The following YY1AP1 variants were observed in gnomAD, a reference collection of about 807,000 sequenced individuals.
YY1AP1 encodes the protein YY1 associated protein 1.
YY1AP1 carries 43 observed loss-of-function variants against 39.9 expected under a neutral mutation model. The observed-to-expected ratio is 1.08, with a 90% CI of 0.84 to 1.39. The LOEUF is 1.39. Ranked by LOEUF, YY1AP1 falls within the 40% of genes most tolerant of loss-of-function variation. The pLI, the probability that YY1AP1 is intolerant of heterozygous loss-of-function variation, is 0.00. For missense variants in YY1AP1, 813 were observed against 900.7 expected (o/e 0.90, Z 1.25); for synonymous variants, 292 against 331.3 (o/e 0.88, Z 1.29).
In YY1AP1 at chr1:155,669,947, C is replaced by A. The variant is rs563311404; in HGVS notation, c.728+373G>T. On this transcript the variant is annotated intron_variant, in intron 8 of 10. Coordinates refer to ENST00000355499, the MANE Select transcript of YY1AP1 (RefSeq NM_139119.3). ...GGCTGAGGCAGGAGGATCACTTGAT[C>A]CCAGGAGTTCAAGGCTGCAGTGAGC... 3.9e-5 allele frequency among the ~76,000 whole-genome samples: 6 copies of A among 152,248 alleles called. No homozygotes were observed. The South Asian group carries it at 1.0e-3, about 26-fold the overall frequency.
Position 155,660,506 on chromosome 1 carries a change from T to C in YY1AP1, c.1404A>G (p.Pro468=). 1 of 1,614,022 alleles carries C rather than the reference T, an allele frequency of 6.2e-7. No homozygotes were observed. Among genetic ancestry groups the C allele is most frequent in the Non-Finnish European group, 8.5e-7 (1 of 1,179,996 alleles). The stretch of plus-strand genomic sequence containing the variant: ...AACTCTCACCTCCACTGACCCCCAG[T>C]GGAGGGACACCTGGAACTGTCTGTA... ...TVLQTVPGVP[P]LGVSGGESFE... Residue 468 remains proline, a synonymous_variant, in exon 11 of 11, where the codon CCA becomes CCG. Transcript: ENST00000355499.
intron 10 of YY1AP1, 31 bp from the exon 11 acceptor site, chr1:155,660,944 A>ACATGT: frequency 6.2e-7 from 1 of 1,613,772 alleles, no homozygotes; most frequent in East Asian, 2.2e-5. Flanking sequence ...CTGATCCAGC[A>ACATGT]CATGTCAGAA....
At chr1:155,669,865 C>T (rs1199958585) in intron 8 of YY1AP1, among the ~76,000 whole-genome samples, 2 of 151,712 alleles carry the variant, frequency 1.3e-5, no homozygotes, top group African/African-American at 2.4e-5. Flanking sequence ...CTCACCTGTA[C>T]AAAAAAAATC....
chr1:155,688,340 C>G, intron 1 of YY1AP1, 139 bp from the exon 2 acceptor site: 2 of 1,549,874 alleles, frequency 1.3e-6, no homozygotes. Context: ...GCGGCGGCAG[C>G]AGAGTGGCCG....
chr1:155,676,912 C>G (rs1044578213), intron 4 of YY1AP1, among the ~76,000 whole-genome samples, 166 bp from the exon 5 acceptor site: 1 of 152,176 alleles, frequency 6.6e-6, no homozygotes, highest in South Asian at 2.1e-4. Context: ...AATCTTTTCC[C>G]AAAGTAGTTA....
chr1:155,672,781 T>C (rs1229746962), intron 6 of YY1AP1, 50 bp from the exon 7 acceptor site: 1 of 1,613,530 alleles, frequency 6.2e-7, no homozygotes, highest in African/African-American at 1.3e-5. Context: ...AGACAATTAA[T>C]ACCAATAGCC....
chr1:155,668,783 A>C lies in YY1AP1; in HGVS notation c.729-6T>G. The C allele has an allele frequency of 2.5e-6, 4 of 1,614,148 alleles. No individual in the cohort carries two copies. Among genetic ancestry groups the C allele is most frequent in the Non-Finnish European group, 3.4e-6 (4 of 1,180,014 alleles). On this transcript the variant is annotated splice_region_variant and splice_polypyrimidine_tract_variant and intron_variant, in intron 8 of 10. Coordinates refer to ENST00000355499, the MANE Select transcript of YY1AP1 (RefSeq NM_139119.3). ...TCAGTCCTAAAGCTAACAAACTGAGAAAGGAGCAATAACACTAAATCTCAC... is the reference window on the plus strand; with the variant it reads ...TCAGTCCTAAAGCTAACAAACTGAGCAAGGAGCAATAACACTAAATCTCAC...
intron 2 of YY1AP1, among the ~76,000 whole-genome samples, chr1:155,684,757 T>C (rs1262795205): frequency 6.6e-6 from 1 of 152,136 alleles, no homozygotes; most frequent in Non-Finnish European, 1.5e-5. Flanking sequence ...AGCTAATTTT[T>C]TGTATTTTAG....
chr1:155,683,948 T>C (rs1385521477), intron 2 of YY1AP1, among the ~76,000 whole-genome samples: 6 of 151,996 alleles, frequency 3.9e-5, no homozygotes, highest in Non-Finnish European at 7.4e-5. Context: ...ACCAGATTGA[T>C]CTACATAGCA....
chr1:155,661,319 T>C lies in YY1AP1; in HGVS notation c.984A>G (p.Pro328=). 1 of 1,613,914 alleles carries C rather than the reference T, an allele frequency of 6.2e-7. No individual in the cohort carries two copies. The highest frequency in any genetic ancestry group is 8.5e-7 in the Non-Finnish European group (1 of 1,179,844). Residue 328 remains proline (P), a synonymous_variant, in exon 10 of 11, where the codon CCA becomes CCG. Transcript: ENST00000355499. ...PPIEREEHRL[P]FWLKASLPSI... Reference sequence around the variant, plus strand: ...AAGAGGGCTGTACCTTTAACCAGAATGGGAGCCGGTGTTCTTCTCTCTCTA... The same window carrying C: ...AAGAGGGCTGTACCTTTAACCAGAACGGGAGCCGGTGTTCTTCTCTCTCTA...
intron 2 of YY1AP1, among the ~76,000 whole-genome samples, chr1:155,684,620 G>C (rs1216622969): frequency 6.7e-6 from 1 of 148,270 alleles, no homozygotes; most frequent in Non-Finnish European, 1.5e-5. Context: ...GCCGAGGCTA[G>C]AGTGCAGTGG....
intron 6 of YY1AP1, chr1:155,674,692 G>A: frequency 4.6e-6 from 1 of 215,582 alleles, no homozygotes; most frequent in Admixed American, 5.4e-5. Flanking sequence ...TACCCGTGGT[G>A]GTGCCCGCCT....
At chr1:155,673,640 C>T (rs1231109013) in intron 6 of YY1AP1, among the ~76,000 whole-genome samples, 3 of 152,100 alleles carry the variant, frequency 2.0e-5, no homozygotes, top group African/African-American at 2.4e-5. Context: ...ACGTCCCAGG[C>T]TCAAGTGATC....
chr1:155,682,585 T>A (rs1651679574), intron 2 of YY1AP1, among the ~76,000 whole-genome samples: 1 of 151,778 alleles, frequency 6.6e-6, no homozygotes, highest in Non-Finnish European at 1.5e-5. Flanking sequence ...GGTCTCCAAC[T>A]CCTGACCTCA....
chr1:155,688,124 G>C lies in YY1AP1; in HGVS notation c.-74C>G. The C allele has an allele frequency of 6.2e-7, 1 of 1,611,658 alleles. No individual in the cohort carries two copies. Among genetic ancestry groups the C allele is most frequent in the South Asian group, 1.1e-5 (1 of 90,880 alleles). ...ACAGGGAAGTGAGGAAGAGGGGGTG[G>C]CCGCCAGGCTCCTCCGCTTCCCTGG... On this transcript the variant is annotated 5_prime_UTR_variant, in exon 2 of 11. Coordinates refer to ENST00000355499, the MANE Select transcript of YY1AP1 (RefSeq NM_139119.3).
chr1:155,676,700 C>T lies in YY1AP1; in HGVS notation c.172G>A (p.Ala58Thr). The change falls in exon 5 of 11, where the codon GCG (alanine) becomes ACG (threonine). Residue 58 changes from alanine to threonine, a missense_variant. By Grantham distance (58) the Ala-to-Thr change is moderately conservative. Transcript: ENST00000355499. ...ANLLNEQHQI[A>T]KELFEQLKMK... ...TTCAGCTGTTCAAATAGTTCCTTCG[C>T]TATCTGATGTTGTTCATTTAGTAGG... 3 of 1,614,134 alleles carry T rather than the reference C, an allele frequency of 1.9e-6. No homozygotes were observed. The highest frequency in any genetic ancestry group is 2.5e-6 in the Non-Finnish European group (3 of 1,180,018).
At chr1:155,681,374 T>C (rs1237420629) in intron 2 of YY1AP1, among the ~76,000 whole-genome samples, 3 of 152,128 alleles carry the variant, frequency 2.0e-5, no homozygotes, top group Non-Finnish European at 4.4e-5. Context: ...CACACAATAC[T>C]GAATGGAATC....
At chr1:155,679,543 G>C (rs780822813) in intron 3 of YY1AP1, 31 bp from the exon 4 acceptor site, 1 of 1,613,968 alleles carries the variant, frequency 6.2e-7, no homozygotes, top group Non-Finnish European at 8.5e-7. Context: ...GGGTTTTCCT[G>C]GGGAATGGGC....
At chr1:155,685,066 G>A (rs1379155484) in intron 2 of YY1AP1, among the ~76,000 whole-genome samples, 1 of 152,070 alleles carries the variant, frequency 6.6e-6, no homozygotes, top group African/African-American at 2.4e-5. Context: ...CCCAAAACAA[G>A]GTAAGGAATA....
Sources: gnomAD v4.1 joint callset for allele counts (sites outside exome capture counted in the v4.1 genomes callset) on GRCh38, gnomAD v4.1.1 for gene constraint, MANE v1.5 for transcripts, NCBI Gene and HGNC (gene_info 2026-07-23, HGNC 2026-07-21) for gene names.